Variants in MCTP1 observed in about 807,000 individuals in gnomAD.
MCTP1 encodes the protein multiple C2 and transmembrane domain containing 1.
MCTP1 carries 69 observed loss-of-function variants against 120.6 expected under a neutral mutation model. The ratio of observed to expected loss-of-function variants is 0.57; its 90% CI spans 0.47 to 0.70. The LOEUF (loss-of-function observed/expected upper bound fraction) is 0.70, where lower values mean the gene tolerates loss of function less well. Ranked by LOEUF, MCTP1 falls within the 30% of genes least tolerant of loss-of-function variation. The probability of loss-of-function intolerance (pLI) is 0.00; values close to 1 mark genes in which losing one functional copy is unlikely to be tolerated. For missense variants in MCTP1, 1,203 were observed against 1,248.8 expected (o/e 0.96, Z 0.55); for synonymous variants, 529 against 493.1 (o/e 1.07, Z -0.96).
At chr5:94,707,973 TAA>T (rs34524369) in intron 22 of MCTP1, among the ~76,000 whole-genome samples, 5 of 142,296 alleles carry the variant, frequency 3.5e-5, no homozygotes, top group African/African-American at 5.2e-5. Flanking sequence ...CTTCAGGATT[TAA>T]AAAAAAAAAA....
intron 1 of MCTP1, among the ~76,000 whole-genome samples, chr5:95,089,288 A>C (rs936536254): frequency 2.0e-5 from 3 of 152,162 alleles, no homozygotes; most frequent in Non-Finnish European, 4.4e-5. Context: ...TAAACATTGG[A>C]ATACTTTTGA....
chr5:94,794,465 G>A (rs1474931476), intron 18 of MCTP1, among the ~76,000 whole-genome samples: 4 of 152,200 alleles, frequency 2.6e-5, no homozygotes, highest in Non-Finnish European at 4.4e-5. Context: ...AAGGAATTTG[G>A]AGACACCCAG....
intron 1 of MCTP1, among the ~76,000 whole-genome samples, chr5:95,226,439 T>G (rs1182010776): frequency 6.6e-6 from 1 of 152,112 alleles, no homozygotes; most frequent in Non-Finnish European, 1.5e-5. Context: ...TGAGCAAAAA[T>G]AGTATGAAGA....
chr5:95,130,417 G>A (rs999227057), intron 1 of MCTP1, among the ~76,000 whole-genome samples: 14 of 152,188 alleles, frequency 9.2e-5, no homozygotes, highest in African/African-American at 3.1e-4. Context: ...ACAGGTAGCA[G>A]CAACAACTGG....
intron 2 of MCTP1, among the ~76,000 whole-genome samples, chr5:94,972,942 A>G (rs1827231755): frequency 1.3e-5 from 2 of 152,132 alleles, no homozygotes. Flanking sequence ...GAACAAAAAA[A>G]AAACCACTGG....
chr5:95,241,096 C>T (rs1242214358), intron 1 of MCTP1, among the ~76,000 whole-genome samples: 2 of 152,054 alleles, frequency 1.3e-5, no homozygotes, highest in Non-Finnish European at 2.9e-5. Context: ...CCTTATTGAG[C>T]ACATACTATA....
At chr5:94,886,578 T>A (rs1457324499) in intron 12 of MCTP1, among the ~76,000 whole-genome samples, 1 of 152,236 alleles carries the variant, frequency 6.6e-6, no homozygotes, top group Non-Finnish European at 1.5e-5. Context: ...ATTTGTACCA[T>A]GTTAGAAAAT....
chr5:94,904,451 A>G (rs1056048672), intron 10 of MCTP1, among the ~76,000 whole-genome samples: 8 of 152,124 alleles, frequency 5.3e-5, no homozygotes, highest in Non-Finnish European at 1.2e-4. Flanking sequence ...GTTTCTTTCC[A>G]TTTATGGTAA....
intron 20 of MCTP1, 142 bp downstream of exon 20, chr5:94,714,635 A>T: frequency 3.0e-6 from 2 of 673,502 alleles, no homozygotes; most frequent in Non-Finnish European, 5.3e-6. Flanking sequence ...GGCAGAAATA[A>T]AGTAAATAAT....
intron 1 of MCTP1, among the ~76,000 whole-genome samples, chr5:95,033,175 A>T (rs1240785587): frequency 6.6e-6 from 1 of 152,158 alleles, no homozygotes; most frequent in Non-Finnish European, 1.5e-5. Flanking sequence ...AGTTTTACTA[A>T]AACTATTCCA....
chr5:95,243,786 G>C (rs185779580), intron 1 of MCTP1, among the ~76,000 whole-genome samples: 1 of 152,198 alleles, frequency 6.6e-6, no homozygotes, highest in Non-Finnish European at 1.5e-5. Flanking sequence ...TGGATTGGAA[G>C]TGGCAAGCAG....
intron 1 of MCTP1, among the ~76,000 whole-genome samples, chr5:95,262,066 AG>A (rs1409664297): frequency 6.6e-6 from 1 of 152,190 alleles, no homozygotes; most frequent in Admixed American, 6.5e-5. Context: ...AATGCCTAGT[AG>A]GGGCACAGCT....
intron 17 of MCTP1, among the ~76,000 whole-genome samples, chr5:94,859,278 A>G (rs1050729713): frequency 6.6e-6 from 1 of 151,672 alleles, no homozygotes; most frequent in African/African-American, 2.4e-5. Context: ...ACAAAACTCT[A>G]TTTAAAAAAA....
intron 17 of MCTP1, among the ~76,000 whole-genome samples, chr5:94,858,178 T>G (rs553994733): frequency 4.0e-5 from 6 of 151,680 alleles, no homozygotes; most frequent in Non-Finnish European, 7.4e-5. Context: ...GGGAAATATA[T>G]TCTTAATGAG....
At chr5:95,264,326 A>G (rs1758711115) in intron 1 of MCTP1, among the ~76,000 whole-genome samples, 1 of 152,182 alleles carries the variant, frequency 6.6e-6, no homozygotes. Context: ...GGCTTTTCAA[A>G]TACTAAAATC....
At chr5:94,847,696 A>G (rs1295060673) in intron 17 of MCTP1, among the ~76,000 whole-genome samples, 9 of 149,194 alleles carry the variant, frequency 6.0e-5, no homozygotes, top group East Asian at 2.0e-4. Context: ...ATATATATAT[A>G]TATATATATG....
At chr5:95,080,814 G>A (rs969872948) in intron 1 of MCTP1, among the ~76,000 whole-genome samples, 1 of 152,212 alleles carries the variant, frequency 6.6e-6, no homozygotes, top group African/African-American at 2.4e-5. Context: ...CCAACAGCAA[G>A]TGAGAAAGTA....
intron 1 of MCTP1, among the ~76,000 whole-genome samples, chr5:95,184,281 T>C (rs1279799011): frequency 6.6e-6 from 1 of 152,178 alleles, no homozygotes; most frequent in Non-Finnish European, 1.5e-5. Context: ...CAAAAAGGAT[T>C]ACACATCCAA....
intron 8 of MCTP1, 126 bp downstream of exon 8, chr5:94,917,770 T>C: frequency 1.6e-6 from 1 of 634,748 alleles, no homozygotes; most frequent in East Asian, 2.8e-5. Context: ...AAGATTACAA[T>C]TCCTTTTCAT....
Sources: allele counts gnomAD v4.1 joint callset (sites outside exome capture counted in the v4.1 genomes callset), GRCh38; gene constraint gnomAD v4.1.1; transcripts MANE v1.5; gene names NCBI Gene and HGNC (gene_info 2026-07-23, HGNC 2026-07-21).